The following PIEZO2 variants were observed in gnomAD, a reference collection of about 807,000 sequenced individuals.
PIEZO2 encodes the protein piezo type mechanosensitive ion channel component 2, also known as piezo-type mechanosensitive ion channel component 2.
PIEZO2 carries 172 observed loss-of-function variants against 337.3 expected under a neutral mutation model. That is an observed-to-expected ratio of 0.51 (90% confidence interval 0.45 to 0.58). The LOEUF is 0.58. PIEZO2 is among the 20% of genes least tolerant of loss of function. The pLI is 0.00. For missense variants in PIEZO2, 3,028 were observed against 3,391.3 expected (o/e 0.89, Z 2.66); for synonymous variants, 1,251 against 1,228.5 (o/e 1.02, Z -0.38).
chr18:10,897,825 C>A (rs1319564706), intron 4 of PIEZO2, among the ~76,000 whole-genome samples: 2 of 152,206 alleles, frequency 1.3e-5, no homozygotes, highest in East Asian at 1.9e-4. Flanking sequence ...GGCAATAAGT[C>A]TTTTATGTAA....
intron 3 of PIEZO2, among the ~76,000 whole-genome samples, chr18:10,960,192 T>A (rs1478515277): frequency 2.0e-5 from 3 of 152,176 alleles, no homozygotes; most frequent in African/African-American, 7.2e-5. Context: ...TAGTATGTAC[T>A]ATAATTATTA....
rs141822013 is a variant in PIEZO2, at chr18:11,032,323, G to T, written c.160+33804C>A. Among the ~76,000 whole-genome samples, 1 of 152,202 alleles carries T rather than the reference G, an allele frequency of 6.6e-6. No homozygotes were observed. Among genetic ancestry groups the T allele is most frequent in the East Asian group, 1.9e-4 (1 of 5,204 alleles). On this transcript the variant is annotated intron_variant, in intron 2 of 55. Transcript: ENST00000674853. This position sits in a 1 kb window ranked among gnomAD's most constrained non-coding sequence, Gnocchi z 4.9. ...GTCAGAGATTTCTGCAAAGGAGTAA[G>T]TGACATTTACACCACTCCTGGACAT... is the stretch of plus-strand genomic sequence containing the variant.
intron 11 of PIEZO2, among the ~76,000 whole-genome samples, chr18:10,798,323 G>A (rs537973459): frequency 3.9e-5 from 6 of 152,334 alleles, no homozygotes; most frequent in Admixed American, 2.6e-4. Context: ...TGGGTTACAG[G>A]AGAAAGTTTC....
rs578203361 is a variant in PIEZO2 at position 10,750,577 on chromosome 18, T to C, written c.4168-390A>G. ...GCCAGACACATATAACCTATGCTCT[T>C]CCCTGGAGGTCATCCCAGACCTAAG... is the stretch of plus-strand genomic sequence containing the variant. On this transcript the variant is annotated intron_variant, in intron 28 of 55. Coordinates refer to ENST00000674853, the MANE Select transcript of PIEZO2 (RefSeq NM_001378183.1). This position sits in a 1 kb window ranked among gnomAD's most constrained non-coding sequence, Gnocchi z 4.1. Among the ~76,000 whole-genome samples, 15 of 152,282 alleles carry C rather than the reference T, an allele frequency of 9.9e-5. 1 individual carries two copies. The South Asian group carries it at 2.9e-3, about 29-fold the overall frequency.
intron 30 of PIEZO2, among the ~76,000 whole-genome samples, chr18:10,745,533 C>T (rs2037388767): frequency 1.3e-5 from 2 of 152,100 alleles, no homozygotes; most frequent in South Asian, 4.2e-4. Context: ...TTTCAATGTT[C>T]AGTTGTTATT....
chr18:10,808,148 G>A (rs1404195692), intron 7 of PIEZO2, among the ~76,000 whole-genome samples: 1 of 152,184 alleles, frequency 6.6e-6, no homozygotes, highest in African/African-American at 2.4e-5. Flanking sequence ...GAGTGCAGCA[G>A]CATGATCACA....
rs2143999024 is a variant in PIEZO2, at chr18:10,724,775, TC to T, written c.5030-6517del. ...CTGGCCTTGCCCGTGGCTCTGGCAG[TC>T]CCCCCAGCACTGCAGCCCCAGCCTG... On this transcript the variant is annotated intron_variant, in intron 36 of 55. Coordinates refer to ENST00000674853, the MANE Select transcript of PIEZO2 (RefSeq NM_001378183.1). The surrounding 1 kb of genome is among the most constrained non-coding windows in gnomAD (Gnocchi z 5.8). The T allele has an allele frequency of 6.4e-6, 10 of 1,569,670 alleles. No individual in the cohort carries two copies. The highest frequency in any genetic ancestry group is 2.4e-5 in the South Asian group (2 of 84,292).
At chr18:11,139,788 T>C (rs1397937820) in intron 1 of PIEZO2, among the ~76,000 whole-genome samples, 4 of 152,156 alleles carry the variant, frequency 2.6e-5, no homozygotes, top group African/African-American at 7.2e-5. Context: ...TGGGAAGTGA[T>C]TGAGGGACCG....
rs11361243 is a variant in PIEZO2, at chr18:10,858,321, CAAA to C, written c.493-1113_493-1111del. ...CTGGCGACAGAGCGAGACTTCAACC[CAAA>C]AAAAAAAAAAAAAAAAAAAAAAAGA... On this transcript the variant is annotated intron_variant, in intron 5 of 55. Transcript: ENST00000674853. Among the ~76,000 whole-genome samples the C allele has an allele frequency of 4.2e-3, 236 of 56,304 alleles. 1 individual carries two copies. The highest frequency in any genetic ancestry group is 0.014 in the African/African-American group (218 of 15,494). 36.9% of individuals were successfully genotyped at this position (56,304 alleles called of 152,430 possible).
intron 36 of PIEZO2, among the ~76,000 whole-genome samples, chr18:10,720,785 T>C (rs962313825): frequency 1.3e-4 from 20 of 152,172 alleles, no homozygotes; most frequent in African/African-American, 4.8e-4. Flanking sequence ...TCTAAGGTTA[T>C]TCATGATCTG....
chr18:11,005,736 T>C lies in PIEZO2; in HGVS notation c.161-26076A>G, dbSNP rs555994656. 9.8e-5 allele frequency among the ~76,000 whole-genome samples: 15 copies of C among 152,354 alleles called. No individual in the cohort carries two copies. In the South Asian group the frequency reaches 3.1e-3, roughly 32 times the overall value. ...CCACAAAGAACACACACCAGGTTAC[T>C]ATGACTAACTGCCTTGTGACCTGCT... is the stretch of plus-strand genomic sequence containing the variant. On this transcript the variant is annotated intron_variant, in intron 2 of 55. Transcript: ENST00000674853.
At chr18:10,771,035 CTTAA>C (rs2038586006) in intron 20 of PIEZO2, among the ~76,000 whole-genome samples, 1 of 152,138 alleles carries the variant, frequency 6.6e-6, no homozygotes, top group African/African-American at 2.4e-5. Context: ...CCCCAGCCCC[CTTAA>C]TCTTATTTAC....
chr18:10,687,258 C>T (rs2143579187), intron 49 of PIEZO2, among the ~76,000 whole-genome samples: 1 of 151,252 alleles, frequency 6.6e-6, no homozygotes, highest in East Asian at 2.0e-4. Context: ...GTCCATTAGC[C>T]ATTCTTCCAG....
At position 10,744,261 on chromosome 18, in the gene PIEZO2, C is replaced by A; in HGVS notation, c.4425-30G>T. ...AGGGAAAGTGGAAACATGAACAAGT[C>A]AATATTCTTGCCATTGTTGTTCCCC... is the stretch of plus-strand genomic sequence containing the variant. On this transcript the variant is annotated intron_variant, in intron 30 of 55. Coordinates refer to ENST00000674853, the MANE Select transcript of PIEZO2 (RefSeq NM_001378183.1). The A allele has an allele frequency of 2.2e-6, 3 of 1,351,186 alleles. No homozygotes were observed. In the South Asian group the frequency reaches 3.8e-5, roughly 17 times the overall value. 83.7% of individuals were successfully genotyped at this position (1,351,186 alleles called of 1,614,324 possible).
At chr18:11,051,481 G>A (rs2037536148) in intron 2 of PIEZO2, among the ~76,000 whole-genome samples, 2 of 152,198 alleles carry the variant, frequency 1.3e-5, no homozygotes, top group Admixed American at 1.3e-4. Context: ...TGCCCAGGAA[G>A]TGTAGTCTTG....
In PIEZO2 at chr18:11,143,637, ACACTCTCT is replaced by A. The variant is rs1164329739; in HGVS notation, c.64+4880_64+4887del. ...CACACACACACACACACACACACAC[ACACTCTCT>A]CTCTCTCTCTCTCTCTCTCTCTCTC... On this transcript the variant is annotated intron_variant, in intron 1 of 55. Transcript: ENST00000674853. This position sits in a 1 kb window ranked among gnomAD's most constrained non-coding sequence, Gnocchi z 4.9. Among the ~76,000 whole-genome samples the A allele has an allele frequency of 8.6e-5, 8 of 93,398 alleles. No homozygotes were observed. The highest frequency in any genetic ancestry group is 4.7e-4 in the African/African-American group (8 of 17,026). The allele number at this position is 93,398 out of a possible 152,430, so 61.3% of individuals were successfully genotyped here.
chr18:10,923,416 T>A (rs750960012), intron 3 of PIEZO2, among the ~76,000 whole-genome samples: 1 of 152,178 alleles, frequency 6.6e-6, no homozygotes, highest in Non-Finnish European at 1.5e-5. Flanking sequence ...AGGGATGTGC[T>A]TTCAGGAACA....
intron 7 of PIEZO2, among the ~76,000 whole-genome samples, chr18:10,825,188 G>C (rs1478007070): frequency 1.3e-5 from 2 of 152,102 alleles, no homozygotes; most frequent in Non-Finnish European, 2.9e-5. Context: ...ATCCACACTA[G>C]AATCCCATGC....
chr18:10,761,070 G>C lies in PIEZO2; in HGVS notation c.3291C>G (p.Thr1097=). Residue 1097 remains threonine (T), a synonymous_variant, in exon 24 of 56, where the codon ACC becomes ACG. Coordinates refer to ENST00000674853, the MANE Select transcript of PIEZO2 (RefSeq NM_001378183.1). ...LMLAILAFEV[T]IYRHQEYYRG... ...GATAGTATTCCTGATGGCGGTAAAT[G>C]GTGACTTCAAAGGCCAGGATAGCCA... The C allele has an allele frequency of 1.3e-6, 2 of 1,537,210 alleles. No individual in the cohort carries two copies. Among genetic ancestry groups the C allele is most frequent in the Non-Finnish European group, 1.7e-6 (2 of 1,146,880 alleles).
Sources: gnomAD v4.1 joint callset for allele counts (sites outside exome capture counted in the v4.1 genomes callset) on GRCh38, gnomAD v4.1.1 for gene constraint, Gnocchi (gnomAD v3.1) non-coding constraint, MANE v1.5 for transcripts, NCBI Gene and HGNC (gene_info 2026-07-23, HGNC 2026-07-21) for gene names.